RSRC1: variants seen among roughly 807,000 people sequenced by gnomAD.
RSRC1 encodes serine/Arginine-related protein 53.
Under a neutral mutation model 49.1 loss-of-function variants are expected in RSRC1, and 39 were observed. That is an observed-to-expected ratio of 0.79 (90% CI 0.61 to 1.04). The LOEUF (loss-of-function observed/expected upper bound fraction) is 1.04, where lower values mean the gene tolerates loss of function less well. RSRC1 is among the 50% of genes least tolerant of loss of function. The pLI is 0.00. For synonymous variants in RSRC1, 143 were observed against 130.8 expected (o/e 1.09, Z -0.63); for missense variants, 388 against 402.4 (o/e 0.96, Z 0.31).
intron 3 of RSRC1, among the ~76,000 whole-genome samples, chr3:158,145,489 A>G (rs181514305): frequency 9.2e-5 from 14 of 152,244 alleles, no homozygotes; most frequent in Admixed American, 3.3e-4. Context: ...CCATTGGGCT[A>G]TATCTCTGTT....
intron 4 of RSRC1, among the ~76,000 whole-genome samples, chr3:158,213,276 T>C (rs775863030): frequency 8.6e-5 from 13 of 152,028 alleles, no homozygotes; most frequent in African/African-American, 3.1e-4. Flanking sequence ...TGGGGTGTAC[T>C]TTTCTACTAA....
At chr3:158,202,562 T>TTTTATATATATATATATATATATA (rs369404609) in intron 3 of RSRC1, among the ~76,000 whole-genome samples, 4,659 of 91,434 alleles carry the variant, frequency 0.051, 618 homozygotes, top group Middle Eastern at 0.093. Context: ...GTCTGGTAGA[T>TTTTATATATATATATATATATATA]TATATATATA....
In RSRC1 at chr3:158,240,285, A is replaced by G. The variant is rs1723494681; in HGVS notation, c.494+37040A>G. ...TTTTGTTCTTGGTTTTTGGTAGTTA[A>G]CCTTTCCTACTAATAAAGTTTTCTT... is the stretch of plus-strand genomic sequence containing the variant. On this transcript the variant is annotated intron_variant, in intron 4 of 9. Transcript: ENST00000611884. Among the ~76,000 whole-genome samples the G allele has an allele frequency of 2.6e-5, 4 of 152,068 alleles. No homozygotes were observed. In the South Asian group the frequency reaches 8.3e-4, roughly 32 times the overall value.
intron 6 of RSRC1, among the ~76,000 whole-genome samples, chr3:158,359,393 T>C (rs1361599431): frequency 6.6e-6 from 1 of 152,124 alleles, no homozygotes; most frequent in East Asian, 1.9e-4. Context: ...ACCAGAAAAT[T>C]TGTATTTCAT....
intron 3 of RSRC1, among the ~76,000 whole-genome samples, chr3:158,170,291 C>T (rs1193910817): frequency 7.1e-6 from 1 of 139,978 alleles, no homozygotes; most frequent in Non-Finnish European, 1.5e-5. Flanking sequence ...TATATGTTAA[C>T]CTCTTTCTGG....
intron 5 of RSRC1, among the ~76,000 whole-genome samples, chr3:158,315,524 G>C (rs1414817546): frequency 1.3e-5 from 2 of 152,102 alleles, no homozygotes; most frequent in Non-Finnish European, 1.5e-5. Flanking sequence ...CTCAAACCTA[G>C]ACCAAGCAGG....
intron 4 of RSRC1, among the ~76,000 whole-genome samples, chr3:158,241,529 G>A (rs1421537309): frequency 1.3e-5 from 2 of 151,410 alleles, no homozygotes; most frequent in East Asian, 1.9e-4. Flanking sequence ...GAAACACCAA[G>A]TGTAGACTAT....
chr3:158,280,179 G>A (rs1053388667), intron 4 of RSRC1, among the ~76,000 whole-genome samples: 3 of 152,054 alleles, frequency 2.0e-5, no homozygotes, highest in Non-Finnish European at 4.4e-5. Flanking sequence ...AATTTGGAAT[G>A]GTATTCAGAT....
chr3:158,370,763 TG>T (rs1732024626), intron 6 of RSRC1, among the ~76,000 whole-genome samples: 1 of 151,904 alleles, frequency 6.6e-6, no homozygotes, highest in Non-Finnish European at 1.5e-5. Flanking sequence ...TTTGAGTTAT[TG>T]CTTAGGATTG....
intron 7 of RSRC1, among the ~76,000 whole-genome samples, chr3:158,512,191 T>C (rs994908528): frequency 6.7e-5 from 10 of 148,176 alleles, no homozygotes; most frequent in African/African-American, 2.3e-4. Context: ...TCCTTGCCCA[T>C]GCCTATGTCC....
rs1578368547 is a variant in RSRC1 at position 158,346,449 on chromosome 3, G to A, written c.532-8408G>A. ...AAAAACTCTGGAAACTCAATTTTGA[G>A]AAAACAATCTAATAAAAATTGGCAA... On this transcript the variant is annotated intron_variant, in intron 5 of 9. Transcript: ENST00000611884. Among the ~76,000 whole-genome samples, 6 of 152,240 alleles carry A rather than the reference G, an allele frequency of 3.9e-5. 1 individual carries two copies. The Middle Eastern group carries it at 0.014, about 345-fold the overall frequency.
At chr3:158,135,207 G>A (rs1716290622) in intron 3 of RSRC1, among the ~76,000 whole-genome samples, 1 of 151,818 alleles carries the variant, frequency 6.6e-6, no homozygotes, top group African/African-American at 2.4e-5. Flanking sequence ...ATGTTGTTTT[G>A]TGAGGCTCAG....
chr3:158,356,666 C>T (rs963432350), intron 6 of RSRC1, among the ~76,000 whole-genome samples: 2 of 151,936 alleles, frequency 1.3e-5, no homozygotes, highest in Non-Finnish European at 2.9e-5. Context: ...ATATCATTTA[C>T]ATAATATGCA....
chr3:158,239,293 A>G (rs1197076036), intron 4 of RSRC1, among the ~76,000 whole-genome samples: 7 of 152,184 alleles, frequency 4.6e-5, no homozygotes, highest in Non-Finnish European at 1.0e-4. Flanking sequence ...ATTGTGTAAG[A>G]CAGTGTGTCA....
chr3:158,514,290 G>A (rs978144397), intron 7 of RSRC1, among the ~76,000 whole-genome samples: 1 of 152,168 alleles, frequency 6.6e-6, no homozygotes, highest in Non-Finnish European at 1.5e-5. Context: ...TGCTTTGAAT[G>A]TGTCCCAAAG....
chr3:158,200,551 T>C (rs1720984731), intron 3 of RSRC1, among the ~76,000 whole-genome samples: 1 of 152,178 alleles, frequency 6.6e-6, no homozygotes, highest in Non-Finnish European at 1.5e-5. Flanking sequence ...GTCTTTCCCT[T>C]CTTTTTTCTT....
At chr3:158,431,373 A>G (rs1328323727) in intron 6 of RSRC1, among the ~76,000 whole-genome samples, 2 of 152,048 alleles carry the variant, frequency 1.3e-5, no homozygotes, top group Non-Finnish European at 1.5e-5. Flanking sequence ...AGAACAAAGC[A>G]TTTGAAACAA....
At chr3:158,191,502 T>C (rs1300094538) in intron 3 of RSRC1, among the ~76,000 whole-genome samples, 1 of 152,106 alleles carries the variant, frequency 6.6e-6, no homozygotes, top group Non-Finnish European at 1.5e-5. Context: ...ATTGTTTTTT[T>C]AAGTCAGTAA....
intron 4 of RSRC1, among the ~76,000 whole-genome samples, chr3:158,287,981 T>C (rs1726676871): frequency 6.6e-6 from 1 of 152,230 alleles, no homozygotes; most frequent in Non-Finnish European, 1.5e-5. Flanking sequence ...CAGGATATAC[T>C]GTTTGGCCGG....
Sources: gnomAD v4.1 joint callset for allele counts (sites outside exome capture counted in the v4.1 genomes callset) on GRCh38, gnomAD v4.1.1 for gene constraint, MANE v1.5 for transcripts, NCBI Gene and HGNC (gene_info 2026-07-23, HGNC 2026-07-21) for gene names.